The following SLC5A3 variants were observed in gnomAD, a reference collection of about 807,000 sequenced individuals.
SLC5A3 encodes sodium/myo-inositol cotransporter.
Under a neutral mutation model 43.2 loss-of-function variants are expected in SLC5A3, and 10 were observed. The ratio of observed to expected loss-of-function variants is 0.23; its 90% CI spans 0.14 to 0.39. The LOEUF is 0.39. Ranked by LOEUF, SLC5A3 falls within the 10% of genes least tolerant of loss-of-function variation. SLC5A3 has a pLI of 1.00. For synonymous variants in SLC5A3, 349 were observed against 322.0 expected, an observed-to-expected ratio of 1.08 and a Z score of -0.90; for missense variants, 608 against 893.4, an observed-to-expected ratio of 0.68 and a Z score of 4.07.
chr21:34,075,279 A>G (rs1210927341), intron 1 of SLC5A3, among the ~76,000 whole-genome samples: 1 of 152,172 alleles, frequency 6.6e-6, no homozygotes, highest in African/African-American at 2.4e-5. Context: ...TGTAGGCAAT[A>G]ATATTTGCTC....
In SLC5A3 at chr21:34,103,546, G is replaced by A. The variant is rs1979343055; in HGVS notation, c.*6191G>A. On this transcript the variant is annotated 3_prime_UTR_variant, in exon 2 of 2. Transcript: ENST00000381151. ...TACGTGACAACAGTTTATATTCCAT[G>A]ATAGAAAGCTAAAGTCCATAGAAAG... The A allele has an allele frequency of 3.0e-6, 3 of 999,984 alleles. No individual in the cohort carries two copies. The highest frequency in any genetic ancestry group is 3.5e-5 in the African/African-American group (2 of 57,194). The allele number at this position is 999,984 out of a possible 1,614,324, so 61.9% of individuals were successfully genotyped here. A position where few individuals can be genotyped will look rare whatever the true frequency, so the allele number is the denominator to read the frequency against.
In SLC5A3 at chr21:34,105,381, A is replaced by AC; in HGVS notation, c.*8028dup. Reference sequence around the variant, plus strand: ...GTTAGTAGTCTTCTTCAAGAAGAAAACCAATTCTTTTTCTAATAATATCCT... The same window carrying AC: ...GTTAGTAGTCTTCTTCAAGAAGAAAACCCAATTCTTTTTCTAATAATATCCT... On this transcript the variant is annotated 3_prime_UTR_variant, in exon 2 of 2. Coordinates refer to ENST00000381151, the MANE Select transcript of SLC5A3 (RefSeq NM_006933.7). 3.0e-6 allele frequency: 3 copies of AC among 999,634 alleles called. No homozygotes were observed. Among genetic ancestry groups the AC allele is most frequent in the Non-Finnish European group, 3.6e-6 (3 of 829,582 alleles). The allele number at this position is 999,634 out of a possible 1,614,324, so 61.9% of individuals were successfully genotyped here.
intron 1 of SLC5A3, among the ~76,000 whole-genome samples, chr21:34,088,686 A>T (rs1438874945): frequency 6.6e-6 from 1 of 152,106 alleles, no homozygotes; most frequent in South Asian, 2.1e-4. Flanking sequence ...GTGAGGCAAC[A>T]TCCTGGCTGT....
chr21:34,104,041 G>T lies in SLC5A3; in HGVS notation c.*6686G>T. 1.0e-6 allele frequency: 1 copy of T among 1,000,082 alleles called. No homozygotes were observed. The allele number at this position is 1,000,082 out of a possible 1,614,324, so 62.0% of individuals were successfully genotyped here. A position where few individuals can be genotyped will look rare whatever the true frequency, so the allele number is the denominator to read the frequency against. On this transcript the variant is annotated 3_prime_UTR_variant, in exon 2 of 2. Coordinates refer to ENST00000381151, the MANE Select transcript of SLC5A3 (RefSeq NM_006933.7). Reference sequence around the variant, plus strand: ...TTAACAGTGCCCCCCCAAACATGCAGAAAGTCATACTTTAACAGGGCAAAT... The same window carrying T: ...TTAACAGTGCCCCCCCAAACATGCATAAAGTCATACTTTAACAGGGCAAAT...
chr21:34,084,342 T>C (rs1989524101), intron 1 of SLC5A3, among the ~76,000 whole-genome samples: 1 of 152,178 alleles, frequency 6.6e-6, no homozygotes. Flanking sequence ...GATTTCCTTC[T>C]AGAAACAGTT....
chr21:34,075,439 T>C (rs1399974713), intron 1 of SLC5A3, among the ~76,000 whole-genome samples: 2 of 152,236 alleles, frequency 1.3e-5, no homozygotes, highest in Non-Finnish European at 2.9e-5. Flanking sequence ...ACATAGCCTT[T>C]GGATGTGGAG....
At chr21:34,075,198 C>G (rs148760762) in intron 1 of SLC5A3, among the ~76,000 whole-genome samples, 1 of 152,302 alleles carries the variant, frequency 6.6e-6, no homozygotes, top group African/African-American at 2.4e-5. Context: ...CTGGGAAATT[C>G]GTTACTGAAA....
chr21:34,104,601 C>G lies in SLC5A3; in HGVS notation c.*7246C>G. The G allele has an allele frequency of 3.0e-6, 3 of 1,000,058 alleles. No homozygotes were observed. The highest frequency in any genetic ancestry group is 3.6e-6 in the Non-Finnish European group (3 of 829,890). The allele number at this position is 1,000,058 out of a possible 1,614,324, so 61.9% of individuals were successfully genotyped here. ...TATGAGATGTTTTAGAAGAGTTAAC[C>G]TGAACACTTTGAGGGAGAGATTATT... On this transcript the variant is annotated 3_prime_UTR_variant, in exon 2 of 2. Coordinates refer to ENST00000381151, the MANE Select transcript of SLC5A3 (RefSeq NM_006933.7).
rs867884991 is a variant in SLC5A3 at position 34,090,962 on chromosome 21, C to A, written c.-336-3901C>A. Among the ~76,000 whole-genome samples, 4 of 152,318 alleles carry A rather than the reference C, an allele frequency of 2.6e-5. No individual in the cohort carries two copies. In the South Asian group the frequency reaches 8.3e-4, roughly 32 times the overall value. On this transcript the variant is annotated intron_variant, in intron 1 of 1. Coordinates refer to ENST00000381151, the MANE Select transcript of SLC5A3 (RefSeq NM_006933.7). ...TCTGTCTGTTGGGGTGGGGAGAAAA[C>A]AAGCTTGGGTATGCCCATGTTTTTT...
Position 34,095,770 on chromosome 21 carries a change from T to C in SLC5A3, c.572T>C (p.Leu191Pro). ...TACACAGACACTCTGCAGGCTCTGC[T>C]CATGATCATTGGGGCACTTACACTT... ...VIYTDTLQAL[L>P]MIIGALTLMI... The change falls in exon 2 of 2, where the codon CTC becomes CCC. Residue 191 changes from leucine to proline, a missense_variant. This residue lies in a region of SLC5A3 where 398 missense variants were observed against 668.6 expected (regional missense o/e 0.60). Coordinates refer to ENST00000381151, the MANE Select transcript of SLC5A3 (RefSeq NM_006933.7). The C allele has an allele frequency of 1.2e-6, 2 of 1,614,078 alleles. No individual in the cohort carries two copies. Among genetic ancestry groups the C allele is most frequent in the Non-Finnish European group, 1.7e-6 (2 of 1,179,994 alleles).
At chr21:34,081,392 C>T (rs1236134708) in intron 1 of SLC5A3, among the ~76,000 whole-genome samples, 4 of 152,154 alleles carry the variant, frequency 2.6e-5, no homozygotes, top group African/African-American at 4.8e-5. Flanking sequence ...ACTTAAGGTA[C>T]GTATATATAG....
intron 1 of SLC5A3, among the ~76,000 whole-genome samples, chr21:34,077,391 C>T (rs778869425): frequency 6.6e-6 from 1 of 152,178 alleles, no homozygotes; most frequent in Admixed American, 6.5e-5. Flanking sequence ...AATTACGTCT[C>T]GTGCCCTTTT....
chr21:34,090,716 T>G (rs1978641953), intron 1 of SLC5A3, among the ~76,000 whole-genome samples: 1 of 152,212 alleles, frequency 6.6e-6, no homozygotes, highest in South Asian at 2.1e-4. Context: ...CTGTTACTTA[T>G]TCCTTATAAA....
Position 34,101,386 on chromosome 21 carries a change from T to G in SLC5A3, c.*4031T>G, listed in dbSNP as rs1301945554. 7.0e-6 allele frequency: 7 copies of G among 1,000,064 alleles called. No individual in the cohort carries two copies. The highest frequency in any genetic ancestry group is 3.5e-5 in the African/African-American group (2 of 57,220). 61.9% of individuals were successfully genotyped at this position (1,000,064 alleles called of 1,614,324 possible). A position where few individuals can be genotyped will look rare whatever the true frequency, so the allele number is the denominator to read the frequency against. ...ACGAAGTTTGTTACCACAGTAGAGA[T>G]AATTTAGTAGAAAAATGCTTTGAGG... On this transcript the variant is annotated 3_prime_UTR_variant, in exon 2 of 2. Transcript: ENST00000381151.
At chr21:34,078,719 C>G (rs1447776389) in intron 1 of SLC5A3, among the ~76,000 whole-genome samples, 1 of 151,884 alleles carries the variant, frequency 6.6e-6, no homozygotes, top group East Asian at 1.9e-4. Flanking sequence ...CTAAAAGAAA[C>G]CTGGAATACC....
intron 1 of SLC5A3, among the ~76,000 whole-genome samples, chr21:34,075,467 A>G (rs1201598411): frequency 1.3e-5 from 2 of 152,116 alleles, no homozygotes; most frequent in African/African-American, 2.4e-5. Context: ...TTTTCACTCT[A>G]GTTCAGATCA....
At position 34,079,602 on chromosome 21, in the gene SLC5A3, A is replaced by ATTTTT. The variant is rs398036389; in HGVS notation, c.-337+5884_-337+5888dup. On this transcript the variant is annotated intron_variant, in intron 1 of 1. Transcript: ENST00000381151. Reference sequence around the variant, plus strand: ...AGGCATGCGCCACCAGACCCAGCTAATTTTTTTTTTTTTTTTTTTTTTTTT... The same window carrying ATTTTT: ...AGGCATGCGCCACCAGACCCAGCTAATTTTTTTTTTTTTTTTTTTTTTTTTTTTTT... Among the ~76,000 whole-genome samples, 163 of 43,680 alleles carry ATTTTT rather than the reference A, an allele frequency of 3.7e-3. 14 individuals carry two copies. The highest frequency in any genetic ancestry group is 0.012 in the African/African-American group (142 of 11,778). The allele number at this position is 43,680 out of a possible 152,430, so 28.7% of individuals were successfully genotyped here. A position where few individuals can be genotyped will look rare whatever the true frequency, so the allele number is the denominator to read the frequency against.
chr21:34,083,795 T>G (rs558099005), intron 1 of SLC5A3, among the ~76,000 whole-genome samples: 3 of 152,290 alleles, frequency 2.0e-5, no homozygotes, highest in East Asian at 3.9e-4. Context: ...ATTTTGCAAA[T>G]TTTGTGTGTG....
rs111302900 is a variant in SLC5A3 at position 34,085,767 on chromosome 21, T to C, written c.-336-9096T>C. On this transcript the variant is annotated intron_variant, in intron 1 of 1. Transcript: ENST00000381151. ...ACAGGCGCCCGCCACCGCACCCAGC[T>C]AATTTTTTGTAGTTTTAGTAGAGAC... Among the ~76,000 whole-genome samples the C allele has an allele frequency of 3.3e-3, 497 of 152,164 alleles. 3 individuals carry two copies. The highest frequency in any genetic ancestry group is 0.011 in the African/African-American group (466 of 41,532).
Sources: allele counts gnomAD v4.1 joint callset (sites outside exome capture counted in the v4.1 genomes callset), GRCh38; gene constraint gnomAD v4.1.1; regional missense constraint gnomAD v4.1.1; transcripts MANE v1.5; gene names NCBI Gene and HGNC (gene_info 2026-07-23, HGNC 2026-07-21).